The following SPATA9 variants were observed in gnomAD, a reference collection of about 807,000 sequenced individuals.
SPATA9 encodes spermatogenesis-associated protein 9.
SPATA9 carries 27 observed loss-of-function variants against 25.5 expected under a neutral mutation model. That is an observed-to-expected ratio of 1.06 (90% CI 0.78 to 1.46). The LOEUF (loss-of-function observed/expected upper bound fraction) is 1.46, where lower values mean the gene tolerates loss of function less well. SPATA9 is among the 40% of genes most tolerant of loss of function. SPATA9 has a pLI of 0.00. For missense variants in SPATA9, 282 were observed against 297.5 expected, an observed-to-expected ratio of 0.95 and a Z score of 0.38; for synonymous variants, 102 against 105.7, an observed-to-expected ratio of 0.97 and a Z score of 0.21.
chr5:95,715,097 G>T, the SPATA9 span, among the ~76,000 whole-genome samples: 1 of 152,048 alleles, frequency 6.6e-6, no homozygotes, highest in African/African-American at 2.4e-5. Flanking sequence ...AGGCCAAGGC[G>T]GGCAGTTCAC....
chr5:95,701,207 C>T (rs952686526), upstream of SPATA9: 2 of 152,120 alleles, frequency 1.3e-5, no homozygotes, highest in Non-Finnish European at 2.9e-5. Context: ...AAAATTGTGG[C>T]AACTGCAATA....
the SPATA9 span, chr5:95,731,774 G>T: frequency 3.7e-6 from 6 of 1,603,220 alleles, no homozygotes; most frequent in Middle Eastern, 1.7e-4. Flanking sequence ...CTCGCCGCGC[G>T]CTGTCCCCCG....
In SPATA9 at chr5:95,665,626, G is replaced by C. The variant is rs577842341; in HGVS notation, c.379-1578C>G. ...TTCTTTATCCATTCACCTGTGGTTG[G>C]ACACGTAGGTTGATTCTATATCCAG... On this transcript the variant is annotated intron_variant, in intron 3 of 4. Transcript: ENST00000274432. 9.5e-3 allele frequency among the ~76,000 whole-genome samples: 1,454 copies of C among 152,312 alleles called. 17 individuals carry two copies. The highest frequency in any genetic ancestry group is 0.033 in the African/African-American group (1,373 of 41,564).
Position 95,658,595 on chromosome 5 carries a change from CT to C in SPATA9, c.*27del. 1 of 1,588,704 alleles carries C rather than the reference CT, an allele frequency of 6.3e-7. No homozygotes were observed. Among genetic ancestry groups the C allele is most frequent in the Non-Finnish European group, 8.6e-7 (1 of 1,168,436 alleles). On this transcript the variant is annotated 3_prime_UTR_variant, in exon 5 of 5. Transcript: ENST00000274432. ...GAAATGTGCCATTAAATAGATAACT[CT>C]TAAGTTCTGTTCAGTGATACCTGTA...
the SPATA9 span, chr5:95,717,560 C>T: frequency 6.6e-6 from 1 of 152,278 alleles, no homozygotes; most frequent in East Asian, 1.9e-4. Context: ...CAGTTGGTGA[C>T]AAAGGAGACT....
At chr5:95,712,537 G>A in the SPATA9 span, among the ~76,000 whole-genome samples, 1 of 152,218 alleles carries the variant, frequency 6.6e-6, no homozygotes, top group Admixed American at 6.5e-5. Flanking sequence ...AGGAATGCAA[G>A]GGCAGGGTGT....
At chr5:95,715,155 C>A in the SPATA9 span, among the ~76,000 whole-genome samples, 14 of 152,128 alleles carry the variant, frequency 9.2e-5, no homozygotes, top group East Asian at 2.3e-3. Context: ...GAAACCCCAT[C>A]TCTACTGAAA....
chr5:95,664,832 T>A (rs1248624636), intron 3 of SPATA9, among the ~76,000 whole-genome samples: 5 of 152,182 alleles, frequency 3.3e-5, no homozygotes, highest in African/African-American at 1.2e-4. Context: ...TTCCAAAAGG[T>A]ACAGGCTGTA....
chr5:95,718,386 T>C, the SPATA9 span, among the ~76,000 whole-genome samples: 12 of 152,346 alleles, frequency 7.9e-5, no homozygotes, highest in East Asian at 1.3e-3. Flanking sequence ...GGCATTCTTA[T>C]TGAATTTTGA....
At chr5:95,683,309 T>G (rs1202276024), upstream of SPATA9, among the ~76,000 whole-genome samples, 1 of 152,154 alleles carries the variant, frequency 6.6e-6, no homozygotes. Context: ...CAGAAAGACT[T>G]CTGAATAGAT....
chr5:95,726,965 C>CT, the SPATA9 span, among the ~76,000 whole-genome samples: 49 of 148,774 alleles, frequency 3.3e-4, no homozygotes, highest in Non-Finnish European at 5.1e-4. Context: ...CGTTTCCCCC[C>CT]TTTTTTTTTT....
upstream of SPATA9, among the ~76,000 whole-genome samples, chr5:95,683,639 A>G (rs1289278774): frequency 1.3e-5 from 2 of 151,998 alleles, no homozygotes; most frequent in African/African-American, 2.4e-5. Flanking sequence ...CCGGGTTCAC[A>G]CCATTCTCCT....
At chr5:95,652,588 G>A (rs1430740804), downstream of SPATA9, 8 of 369,104 alleles carry the variant, frequency 2.2e-5, no homozygotes, top group Middle Eastern at 6.8e-4. Context: ...AAACTTGGGA[G>A]TCATCTTTAT....
At chr5:95,661,482 G>A (rs766195091) in intron 4 of SPATA9, among the ~76,000 whole-genome samples, 19 of 152,018 alleles carry the variant, frequency 1.2e-4, no homozygotes, top group Non-Finnish European at 1.8e-4. Flanking sequence ...AGTTCATGGC[G>A]TGATAAATTG....
chr5:95,696,568 A>C (rs1478453164), intron 1 of SPATA9, among the ~76,000 whole-genome samples: 1 of 152,204 alleles, frequency 6.6e-6, no homozygotes, highest in Non-Finnish European at 1.5e-5. Context: ...TTACTCTTTG[A>C]TCCTACAGCA....
downstream of SPATA9, chr5:95,655,432 C>T (rs1358247125): frequency 1.3e-5 from 2 of 152,236 alleles, no homozygotes; most frequent in East Asian, 3.8e-4. Context: ...AGACCAGCAA[C>T]TTTGGTGTCA....
chr5:95,653,723 AC>A (rs1192259084), downstream of SPATA9, among the ~76,000 whole-genome samples: 2 of 152,024 alleles, frequency 1.3e-5, no homozygotes, highest in Non-Finnish European at 2.9e-5. Context: ...ACACAGAGAA[AC>A]CTGTCTCTAC....
At chr5:95,716,600 C>T in the SPATA9 span, among the ~76,000 whole-genome samples, 1 of 152,156 alleles carries the variant, frequency 6.6e-6, no homozygotes, top group Non-Finnish European at 1.5e-5. Flanking sequence ...AGACTTTGGA[C>T]TGGTGGACTT....
intron 3 of SPATA9, among the ~76,000 whole-genome samples, chr5:95,671,741 A>G (rs1055825964): frequency 6.6e-6 from 1 of 152,136 alleles, no homozygotes; most frequent in African/African-American, 2.4e-5. Context: ...ATGTAGAAGT[A>G]TATTTCACTT....
Sources: allele counts gnomAD v4.1 joint callset (sites outside exome capture counted in the v4.1 genomes callset), GRCh38; gene constraint gnomAD v4.1.1; transcripts MANE v1.5; gene names NCBI Gene and HGNC (gene_info 2026-07-23, HGNC 2026-07-21).